CNTNAP2: variants seen among roughly 807,000 people sequenced by gnomAD.
CNTNAP2 encodes contactin-associated protein-like 2.
In CNTNAP2, 98 loss-of-function variants were observed where a neutral mutation model predicts 155.2. That is an observed-to-expected ratio of 0.63 (90% CI 0.54 to 0.75). CNTNAP2 has a LOEUF of 0.75. CNTNAP2 is among the 30% of genes least tolerant of loss of function. The pLI is 0.00. For missense variants in CNTNAP2, 1,727 were observed against 1,688.1 expected (o/e 1.02, Z -0.40); for synonymous variants, 651 against 631.2 (o/e 1.03, Z -0.47).
At chr7:147,924,437 C>T (rs534699325) in intron 14 of CNTNAP2, among the ~76,000 whole-genome samples, 13 of 152,146 alleles carry the variant, frequency 8.5e-5, no homozygotes, top group Admixed American at 6.5e-4. Context: ...CCATGCAAGC[C>T]CACACTAAGC....
intron 15 of CNTNAP2, among the ~76,000 whole-genome samples, chr7:148,058,923 A>G (rs1803075888): frequency 6.6e-6 from 1 of 152,158 alleles, no homozygotes; most frequent in South Asian, 2.1e-4. Context: ...TGTCTGGGCC[A>G]CTAATAATGT....
intron 12 of CNTNAP2, among the ~76,000 whole-genome samples, chr7:147,598,707 T>A (rs994708597): frequency 6.6e-6 from 1 of 152,174 alleles, no homozygotes; most frequent in Non-Finnish European, 1.5e-5. Context: ...CCCACCCAAA[T>A]CTCATCTTGA....
At chr7:147,386,461 A>G (rs1400940880) in intron 9 of CNTNAP2, among the ~76,000 whole-genome samples, 1 of 152,138 alleles carries the variant, frequency 6.6e-6, no homozygotes, top group Non-Finnish European at 1.5e-5. Flanking sequence ...TCTGCTTAGA[A>G]ATTGCTTCTG....
intron 1 of CNTNAP2, among the ~76,000 whole-genome samples, chr7:146,695,917 CT>C (rs1226563322): frequency 6.6e-6 from 1 of 151,964 alleles, no homozygotes; most frequent in African/African-American, 2.4e-5. Flanking sequence ...GTGTATAATT[CT>C]TTTTATACAT....
chr7:146,552,669 A>G (rs1278006190), intron 1 of CNTNAP2, among the ~76,000 whole-genome samples: 1 of 151,914 alleles, frequency 6.6e-6, no homozygotes, highest in South Asian at 2.1e-4. Flanking sequence ...AATCAAATGC[A>G]CTTATTGTAA....
chr7:147,017,811 G>T (rs1417927005), intron 3 of CNTNAP2, among the ~76,000 whole-genome samples: 1 of 151,838 alleles, frequency 6.6e-6, no homozygotes, highest in East Asian at 1.9e-4. Context: ...TACTACAGCT[G>T]GTTTAAAAAA....
chr7:146,257,002 C>T (rs2129080835), intron 1 of CNTNAP2, among the ~76,000 whole-genome samples: 1 of 152,278 alleles, frequency 6.6e-6, no homozygotes, highest in East Asian at 1.9e-4. Context: ...TGTTTCAAAG[C>T]ATACATTTGG....
chr7:147,381,882 AAC>A (rs1300842022), intron 9 of CNTNAP2, among the ~76,000 whole-genome samples: 4 of 152,026 alleles, frequency 2.6e-5, no homozygotes, highest in Non-Finnish European at 5.9e-5. Flanking sequence ...ACTATTAAAA[AAC>A]AGTTGCTACA....
At chr7:147,898,097 C>T (rs778772875) in intron 13 of CNTNAP2, among the ~76,000 whole-genome samples, 1 of 152,164 alleles carries the variant, frequency 6.6e-6, no homozygotes, top group Non-Finnish European at 1.5e-5. Context: ...CAAAAATGGT[C>T]ATGCCAAGGG....
At chr7:147,667,915 C>G (rs1465523239) in intron 13 of CNTNAP2, among the ~76,000 whole-genome samples, 1 of 152,062 alleles carries the variant, frequency 6.6e-6, no homozygotes, top group Non-Finnish European at 1.5e-5. Context: ...GGTGGTGTCA[C>G]TAAGGAGTGT....
At chr7:146,121,292 C>T (rs1021202630) in intron 1 of CNTNAP2, among the ~76,000 whole-genome samples, 2 of 151,674 alleles carry the variant, frequency 1.3e-5, no homozygotes, top group African/African-American at 2.4e-5. Context: ...CCATGCCCGG[C>T]TAATTTTTAG....
chr7:146,952,026 C>A (rs962354637), intron 3 of CNTNAP2, among the ~76,000 whole-genome samples: 2 of 151,994 alleles, frequency 1.3e-5, no homozygotes, highest in Admixed American at 6.6e-5. Flanking sequence ...CACAAAAATC[C>A]TCAATAAAAT....
intron 12 of CNTNAP2, among the ~76,000 whole-genome samples, chr7:147,596,221 C>G (rs1376491751): frequency 6.6e-6 from 1 of 152,140 alleles, no homozygotes; most frequent in Non-Finnish European, 1.5e-5. Context: ...ACACACTCGT[C>G]TCTCTTTCTC....
chr7:148,158,907 G>A (rs1805458941), intron 17 of CNTNAP2, among the ~76,000 whole-genome samples: 1 of 152,184 alleles, frequency 6.6e-6, no homozygotes, highest in South Asian at 2.1e-4. Flanking sequence ...AATGGCAACT[G>A]TCCCACAGAA....
intron 12 of CNTNAP2, among the ~76,000 whole-genome samples, chr7:147,625,744 G>C (rs1336838334): frequency 6.6e-6 from 1 of 152,124 alleles, no homozygotes; most frequent in African/African-American, 2.4e-5. Flanking sequence ...AACATACCAG[G>C]AAAACCTGAA....
chr7:146,181,155 G>A (rs1050398154), intron 1 of CNTNAP2, among the ~76,000 whole-genome samples: 1 of 152,026 alleles, frequency 6.6e-6, no homozygotes, highest in Non-Finnish European at 1.5e-5. Context: ...AAGCACTTTG[G>A]GGGAACAACA....
At chr7:147,413,408 A>T (rs1277578988) in intron 10 of CNTNAP2, among the ~76,000 whole-genome samples, 1 of 152,208 alleles carries the variant, frequency 6.6e-6, no homozygotes, top group Non-Finnish European at 1.5e-5. Flanking sequence ...AGAATGTGGT[A>T]GGGCGGTTGA....
intron 1 of CNTNAP2, among the ~76,000 whole-genome samples, chr7:146,584,624 G>A (rs907383588): frequency 2.0e-5 from 3 of 152,148 alleles, no homozygotes; most frequent in Non-Finnish European, 4.4e-5. Context: ...TCAGAAGAGA[G>A]TGCATTATTT....
intron 1 of CNTNAP2, among the ~76,000 whole-genome samples, chr7:146,528,203 A>C (rs1302325426): frequency 3.9e-5 from 6 of 152,206 alleles, no homozygotes; most frequent in Non-Finnish European, 5.9e-5. Context: ...ACATGAACAG[A>C]AAAATAATTA....
Sources: gnomAD v4.1 joint callset for allele counts (sites outside exome capture counted in the v4.1 genomes callset) on GRCh38, gnomAD v4.1.1 for gene constraint, MANE v1.5 for transcripts, NCBI Gene and HGNC (gene_info 2026-07-23, HGNC 2026-07-21) for gene names.